Variants in FOXF1 observed in about 807,000 individuals in gnomAD.
The protein encoded by FOXF1 is forkhead box protein F1.
In FOXF1, 9 loss-of-function variants were observed where a neutral mutation model predicts 26.6. The ratio of observed to expected loss-of-function variants is 0.34; its 90% CI spans 0.20 to 0.59. The LOEUF (loss-of-function observed/expected upper bound fraction) is 0.59, where lower values mean the gene tolerates loss of function less well. Among genes scored for constraint, FOXF1 ranks in the 20% least tolerant of loss-of-function variants. FOXF1 has a pLI of 0.83. For missense variants in FOXF1, 499 were observed against 549.9 expected (o/e 0.91, Z 0.93); for synonymous variants, 330 against 257.7 (o/e 1.28, Z -2.69).
At chr16:86,511,622 G>T in intron 1 of FOXF1, 74 bp downstream of exon 1, 2 of 1,534,314 alleles carry the variant, frequency 1.3e-6, no homozygotes, top group Non-Finnish European at 1.7e-6. Context: ...CAGCTGGGGC[G>T]AGCCCCTCCA....
intron 1 of FOXF1, among the ~76,000 whole-genome samples, 175 bp downstream of exon 1, chr16:86,511,723 C>G (rs926104418): frequency 6.6e-6 from 1 of 152,214 alleles, no homozygotes; most frequent in African/African-American, 2.4e-5. Flanking sequence ...AGAGTGACTA[C>G]CGCTCTTGAC....
chr16:86,512,618 C>G (rs1567511621), intron 1 of FOXF1, among the ~76,000 whole-genome samples: 1 of 152,250 alleles, frequency 6.6e-6, no homozygotes, highest in Admixed American at 6.5e-5. Flanking sequence ...CACTTGGTCT[C>G]CCTCACCACT....
In FOXF1 at chr16:86,511,445, C is replaced by A; in HGVS notation, c.876C>A (p.Pro292=). ...ASYIKQQPLS[P]CNPAANPLSG... ...ATATCAAGCAGCAGCCCCTGTCCCC[C>A]TGTAACCCCGCGGCCAACCCCCTGT... The change falls in exon 1 of 2, where the codon CCC becomes CCA. Residue 292 remains proline, a synonymous_variant. Transcript: ENST00000262426. 1.9e-6 allele frequency: 3 copies of A among 1,594,852 alleles called. No individual in the cohort carries two copies. Among genetic ancestry groups the A allele is most frequent in the East Asian group, 2.2e-5 (1 of 44,684 alleles).
In FOXF1 at chr16:86,511,483, C is replaced by G. The variant is rs753195178; in HGVS notation, c.914C>G (p.Ser305Cys). 1 of 1,587,020 alleles carries G rather than the reference C, an allele frequency of 6.3e-7. No individual in the cohort carries two copies. Among genetic ancestry groups the G allele is most frequent in the South Asian group, 1.1e-5 (1 of 89,220 alleles). ...GCCAACCCCCTGTCCGGCAGCCTCT[C>G]CACGCACTCCCTGGAGCAGCCGTAT... Reference protein sequence around the residue: ...PAANPLSGSLSTHSLEQPYLH... With the variant: ...PAANPLSGSLCTHSLEQPYLH... Residue 305 changes from serine to cysteine, a missense_variant, in exon 1 of 2, where the codon TCC (serine) becomes TGC (cysteine). By Grantham distance (112) the Ser-to-Cys change is moderately radical. Transcript: ENST00000262426.
chr16:86,510,731 C>T lies in FOXF1; in HGVS notation c.162C>T (p.Ile54=), dbSNP rs769697476. Residue 54 remains isoleucine, a synonymous_variant, in exon 1 of 2, where the codon ATC becomes ATT. Coordinates refer to ENST00000262426, the MANE Select transcript of FOXF1 (RefSeq NM_001451.3). The part of the protein sequence containing the change: ...RRPEKPPYSY[I]ALIVMAIQSS... ...CGGAGAAGCCGCCCTATTCCTACAT[C>T]GCGCTCATCGTCATGGCCATCCAGA... 5.6e-6 allele frequency: 9 copies of T among 1,613,824 alleles called. No homozygotes were observed. The South Asian group carries it at 8.8e-5, about 16-fold the overall frequency.
chr16:86,511,028 C>A lies in FOXF1; in HGVS notation c.459C>A (p.Pro153=). 6.2e-7 allele frequency: 1 copy of A among 1,612,202 alleles called. No individual in the cohort carries two copies. ...GAAGGAAATGCCAGGCGCTCAAGCC[C>A]ATGTACAGCATGATGAACGGGCTCG... ...GFRRKCQALK[P]MYSMMNGLGF... The change falls in exon 1 of 2, where the codon CCC becomes CCA. Residue 153 remains proline (P), a synonymous_variant. Coordinates refer to ENST00000262426, the MANE Select transcript of FOXF1 (RefSeq NM_001451.3).
rs1969599972 is a variant in FOXF1 at position 86,513,449 on chromosome 16, G to A, written c.*364G>A. 3 of 267,676 alleles carry A rather than the reference G, an allele frequency of 1.1e-5. No homozygotes were observed. The South Asian group carries it at 2.0e-4, about 18-fold the overall frequency. The allele number at this position is 267,676 out of a possible 1,614,324, so 16.6% of individuals were successfully genotyped here. A position where few individuals can be genotyped will look rare whatever the true frequency, so the allele number is the denominator to read the frequency against. On this transcript the variant is annotated 3_prime_UTR_variant, in exon 2 of 2. Coordinates refer to ENST00000262426, the MANE Select transcript of FOXF1 (RefSeq NM_001451.3). ...TCCCCCCTCCTTCCGGCCAATGGCAGAAGTGGGGGAAAATTTTTAGAAGAA... is the reference window on the plus strand; with the variant it reads ...TCCCCCCTCCTTCCGGCCAATGGCAAAAGTGGGGGAAAATTTTTAGAAGAA...
Position 86,513,237 on chromosome 16 carries a change from A to C in FOXF1, c.*152A>C, listed in dbSNP as rs867390576. On this transcript the variant is annotated 3_prime_UTR_variant, in exon 2 of 2. Coordinates refer to ENST00000262426, the MANE Select transcript of FOXF1 (RefSeq NM_001451.3). ...CGGAGTTTTTGGCAAGGAGTCCCCA[A>C]TGCAAAGACACAGCGCTGCGGTTGG... 2.8e-6 allele frequency: 2 copies of C among 711,710 alleles called. No homozygotes were observed. The highest frequency in any genetic ancestry group is 4.7e-6 in the Non-Finnish European group (2 of 425,492). The allele number at this position is 711,710 out of a possible 1,614,324, so 44.1% of individuals were successfully genotyped here. A position where few individuals can be genotyped will look rare whatever the true frequency, so the allele number is the denominator to read the frequency against.
In FOXF1 at chr16:86,511,071, G is replaced by A. The variant is rs891091473; in HGVS notation, c.502G>A (p.Asp168Asn). The A allele has an allele frequency of 1.2e-6, 2 of 1,610,088 alleles. No individual in the cohort carries two copies. The highest frequency in any genetic ancestry group is 1.7e-6 in the Non-Finnish European group (2 of 1,179,912). ...MNGLGFNHLP[D>N]TYGFQGSAGG... ...CGGGCTCGGCTTCAACCACCTCCCG[G>A]ACACCTACGGCTTCCAGGGCTCGGC... Residue 168 changes from aspartate (D) to asparagine (N), a missense_variant, in exon 1 of 2, where the codon GAC (aspartate) becomes AAC (asparagine). By Grantham distance (23) the Asp-to-Asn change is conservative. Around this residue, in one of 5 missense-constraint regions of FOXF1, gnomAD observed 367 missense variants for 324.8 expected, o/e 1.13. Transcript: ENST00000262426.
chr16:86,510,712 A>G lies in FOXF1; in HGVS notation c.143A>G (p.Lys48Arg). 6.2e-7 allele frequency: 1 copy of G among 1,613,510 alleles called. No individual in the cohort carries two copies. The highest frequency in any genetic ancestry group is 8.5e-7 in the Non-Finnish European group (1 of 1,179,964). ...KTNAGIRRPE[K>R]PPYSYIALIV... ...AACGCCGGCATCCGGCGCCCGGAGAAGCCGCCCTATTCCTACATCGCGCTC... is the reference window on the plus strand; with the variant it reads ...AACGCCGGCATCCGGCGCCCGGAGAGGCCGCCCTATTCCTACATCGCGCTC... Residue 48 changes from lysine to arginine, a missense_variant, in exon 1 of 2, where the codon AAG becomes AGG. Physicochemically the swap from Lys to Arg is conservative, Grantham distance 26. Coordinates refer to ENST00000262426, the MANE Select transcript of FOXF1 (RefSeq NM_001451.3).
In FOXF1 at chr16:86,510,550, GC is replaced by G; in HGVS notation, c.-19del. On this transcript the variant is annotated 5_prime_UTR_variant, in exon 1 of 2. Coordinates refer to ENST00000262426, the MANE Select transcript of FOXF1 (RefSeq NM_001451.3). ...GCGCAGAGCAGCGGCGGCAGCGGCGGCGGCGGCAGCAGCCACCCGATGTCTT... is the reference window on the plus strand; with the variant it reads ...GCGCAGAGCAGCGGCGGCAGCGGCGGGGCGGCAGCAGCCACCCGATGTCTT... The G allele has an allele frequency of 7.7e-7, 1 of 1,306,442 alleles. No homozygotes were observed. The highest frequency in any genetic ancestry group is 9.7e-7 in the Non-Finnish European group (1 of 1,031,296). 80.9% of individuals were successfully genotyped at this position (1,306,442 alleles called of 1,614,324 possible). A position where few individuals can be genotyped will look rare whatever the true frequency, so the allele number is the denominator to read the frequency against.
At chr16:86,511,980 G>A (rs78601612) in intron 1 of FOXF1, among the ~76,000 whole-genome samples, 3,205 of 152,286 alleles carry the variant, frequency 0.021, 112 homozygotes, top group African/African-American at 0.074. Context: ...GCCTCTGCCT[G>A]GGGCTGGGCG....
Position 86,511,287 on chromosome 16 carries a change from G to T in FOXF1, c.718G>T (p.Asp240Tyr). 6.6e-7 allele frequency: 1 copy of T among 1,523,790 alleles called. No homozygotes were observed. The highest frequency in any genetic ancestry group is 8.8e-7 in the Non-Finnish European group (1 of 1,142,474). 94.4% of individuals were successfully genotyped at this position (1,523,790 alleles called of 1,614,324 possible). A position where few individuals can be genotyped will look rare whatever the true frequency, so the allele number is the denominator to read the frequency against. Residue 240 changes from aspartate (D) to tyrosine (Y), a missense_variant, in exon 1 of 2, where the codon GAC (aspartate) becomes TAC (tyrosine). Physicochemically the swap from Asp to Tyr is radical, Grantham distance 160. This residue lies in a region of FOXF1 where 367 missense variants were observed against 324.8 expected (regional missense o/e 1.13). Transcript: ENST00000262426. Reference sequence around the variant, plus strand: ...GGCGGCCGGCGAGTACCCGCACCACGACAGCTCGGTGCCCGCCTCCCCGCT... The same window carrying T: ...GGCGGCCGGCGAGTACCCGCACCACTACAGCTCGGTGCCCGCCTCCCCGCT... The part of the protein sequence containing the change: ...GAAAGEYPHH[D>Y]SSVPASPLLP...
At chr16:86,511,592 G>A in intron 1 of FOXF1, 44 bp downstream of exon 1, 6 of 1,549,078 alleles carry the variant, frequency 3.9e-6, no homozygotes, top group Non-Finnish European at 5.2e-6. Context: ...GGGAAGTCGA[G>A]TCTGAGTGGC....
chr16:86,513,547 AT>A lies in FOXF1; in HGVS notation c.*472del, dbSNP rs56130003. On this transcript the variant is annotated 3_prime_UTR_variant, in exon 2 of 2. Coordinates refer to ENST00000262426, the MANE Select transcript of FOXF1 (RefSeq NM_001451.3). ...TTGAGTATTTATCTTTTTATTTTTT[AT>A]TTTTTTTTTGAAAGAATGTCTTGGA... 2.1e-4 allele frequency: 34 copies of A among 159,062 alleles called. No homozygotes were observed. Among genetic ancestry groups the A allele is most frequent in the South Asian group, 1.6e-3 (10 of 6,072 alleles). The allele number at this position is 159,062 out of a possible 1,614,324, so 9.9% of individuals were successfully genotyped here. A position where few individuals can be genotyped will look rare whatever the true frequency, so the allele number is the denominator to read the frequency against.
At position 86,514,700 on chromosome 16, in the gene FOXF1, C is replaced by A. The variant is rs1555519654; in HGVS notation, c.*1615C>A. 3.3e-5 allele frequency: 5 copies of A among 152,110 alleles called. No homozygotes were observed. The highest frequency in any genetic ancestry group is 1.5e-5 in the Non-Finnish European group (1 of 68,026). 9.4% of individuals were successfully genotyped at this position (152,110 alleles called of 1,614,324 possible). On this transcript the variant is annotated 3_prime_UTR_variant, in exon 2 of 2. Transcript: ENST00000262426. The stretch of plus-strand genomic sequence containing the variant: ...GTTTTTTAAGAAGAGCCCTTTGCCC[C>A]TCTAAATGTCATTGATCGTTTTAAA...
intron 1 of FOXF1, among the ~76,000 whole-genome samples, chr16:86,512,496 G>T (rs562198610): frequency 6.6e-6 from 1 of 152,370 alleles, no homozygotes; most frequent in East Asian, 1.9e-4. Context: ...TGCTGGCCCG[G>T]CGCTGGCCCT....
Position 86,513,003 on chromosome 16 carries a change from C to A in FOXF1, c.1058C>A (p.Ser353Tyr), listed in dbSNP as rs1393872773. ...GTCTTCTCTTTCAACGCCATGGCGT[C>A]CTCTTCCATGCACTCGGCCGGCGGG... ...EFVFSFNAMA[S>Y]SSMHSAGGGS... is the part of the protein sequence containing the mutation. The change falls in exon 2 of 2, where the codon TCC becomes TAC. Residue 353 changes from serine to tyrosine, a missense_variant. Transcript: ENST00000262426. 6.8e-6 allele frequency: 11 copies of A among 1,614,112 alleles called. No individual in the cohort carries two copies. The highest frequency in any genetic ancestry group is 9.3e-6 in the Non-Finnish European group (11 of 1,180,034).
Position 86,510,947 on chromosome 16 carries a change from G to T in FOXF1, c.378G>T (p.Pro126=), listed in dbSNP as rs771675021. The T allele has an allele frequency of 1.2e-5, 20 of 1,613,560 alleles. No individual in the cohort carries two copies. The highest frequency in any genetic ancestry group is 1.4e-5 in the Non-Finnish European group (16 of 1,180,022). Residue 126 remains proline (P), a synonymous_variant, in exon 1 of 2, where the codon CCG becomes CCT. Transcript: ENST00000262426. ...AGGGCCACTACTGGACCATCGACCC[G>T]GCCAGCGAGTTCATGTTCGAGGAGG... ...PGKGHYWTID[P]ASEFMFEEGS... is the part of the protein sequence containing the mutation.
Sources: gnomAD v4.1 joint callset for allele counts (sites outside exome capture counted in the v4.1 genomes callset) on GRCh38, gnomAD v4.1.1 for gene constraint, gnomAD v4.1.1 regional missense constraint, MANE v1.5 for transcripts, NCBI Gene and HGNC (gene_info 2026-07-23, HGNC 2026-07-21) for gene names.